Variants in CYP19A1 observed in about 807,000 individuals in gnomAD.
The protein encoded by CYP19A1 is cytochrome P450 family 19 subfamily A member 1, also known as aromatase.
A neutral mutation model predicts 44.4 loss-of-function variants in CYP19A1; 32 were observed. The observed-to-expected ratio is 0.72, with a 90% CI of 0.54 to 0.97. The LOEUF (loss-of-function observed/expected upper bound fraction) is 0.97, where lower values mean the gene tolerates loss of function less well. Among genes scored for constraint, CYP19A1 ranks in the 50% least tolerant of loss-of-function variants. The pLI, the probability that CYP19A1 is intolerant of heterozygous loss-of-function variation, is 0.00. For synonymous variants in CYP19A1, 212 were observed against 215.6 expected (o/e 0.98, Z 0.14); for missense variants, 598 against 637.8 (o/e 0.94, Z 0.67).
chr15:51,331,295 G>A (rs935563141), intron 1 of CYP19A1, among the ~76,000 whole-genome samples: 1 of 152,238 alleles, frequency 6.6e-6, no homozygotes, highest in Admixed American at 6.5e-5. Flanking sequence ...GCTGCCCCTG[G>A]AGAGCTGGAG....
At chr15:51,286,431 G>A (rs962592230) in intron 1 of CYP19A1, among the ~76,000 whole-genome samples, 11 of 152,154 alleles carry the variant, frequency 7.2e-5, no homozygotes, top group African/African-American at 2.2e-4. Flanking sequence ...TGTCTGTTTC[G>A]TTTGTTTGTT....
At chr15:51,331,533 C>T (rs2036700850) in intron 1 of CYP19A1, among the ~76,000 whole-genome samples, 1 of 152,000 alleles carries the variant, frequency 6.6e-6, no homozygotes, top group South Asian at 2.1e-4. Flanking sequence ...GTATAGTTAG[C>T]ATCTTTTTTT....
intron 1 of CYP19A1, among the ~76,000 whole-genome samples, chr15:51,303,884 A>G (rs1197688566): frequency 6.6e-6 from 1 of 152,160 alleles, no homozygotes; most frequent in Non-Finnish European, 1.5e-5. Context: ...CGGGCTGAGG[A>G]TGATACATGG....
chr15:51,259,139 A>G (rs1286239807), intron 1 of CYP19A1, among the ~76,000 whole-genome samples: 3 of 152,196 alleles, frequency 2.0e-5, no homozygotes. Context: ...GGAGACAACA[A>G]GTAGGAAAGC....
At chr15:51,224,152 G>A (rs1331549391) in intron 4 of CYP19A1, among the ~76,000 whole-genome samples, 3 of 151,914 alleles carry the variant, frequency 2.0e-5, no homozygotes, top group Admixed American at 1.3e-4. Flanking sequence ...TTCACCCCTC[G>A]CCACCACCCT....
At chr15:51,238,747 T>C (rs974746840) in intron 2 of CYP19A1, among the ~76,000 whole-genome samples, 3 of 152,224 alleles carry the variant, frequency 2.0e-5, no homozygotes, top group Admixed American at 6.5e-5. Flanking sequence ...AGATTGAACC[T>C]TGTGCTTAGA....
chr15:51,216,150 T>TA (rs1491063308), intron 6 of CYP19A1, among the ~76,000 whole-genome samples: 3 of 152,202 alleles, frequency 2.0e-5, no homozygotes, highest in Admixed American at 1.3e-4. Context: ...ATGTTTAAAT[T>TA]AAAAAAACAA....
chr15:51,246,921 A>AT (rs1041979369), intron 1 of CYP19A1, among the ~76,000 whole-genome samples: 4 of 151,926 alleles, frequency 2.6e-5, no homozygotes, highest in Non-Finnish European at 5.9e-5. Context: ...GGAGAAATGC[A>AT]TTTTTTTCTC....
chr15:51,222,411 G>T lies in CYP19A1; in HGVS notation c.566C>A (p.Thr189Asn). The change falls in exon 5 of 10, where the codon ACC becomes AAC. Residue 189 changes from threonine to asparagine, a missense_variant. Transcript: ENST00000396402. ...GTCCAGCATGACACGACGCAGAAGG[G>T]TCAACACGTCCACATAGCCCGATTC... Reference protein sequence around the residue: ...TNESGYVDVLTLLRRVMLDTS... With the variant: ...TNESGYVDVLNLLRRVMLDTS... The T allele has an allele frequency of 3.1e-6, 5 of 1,614,146 alleles. No individual in the cohort carries two copies. Among genetic ancestry groups the T allele is most frequent in the Non-Finnish European group, 3.4e-6 (4 of 1,180,010 alleles).
intron 1 of CYP19A1, among the ~76,000 whole-genome samples, chr15:51,266,753 T>G (rs1056435198): frequency 6.6e-6 from 1 of 152,196 alleles, no homozygotes; most frequent in Non-Finnish European, 1.5e-5. Flanking sequence ...GGAGGTCCCC[T>G]AATCTGTGGA....
At chr15:51,279,877 CTG>C (rs1410265128) in intron 1 of CYP19A1, 1 of 152,214 alleles carries the variant, frequency 6.6e-6, no homozygotes, top group Admixed American at 6.5e-5. Flanking sequence ...AGGGCAGAAA[CTG>C]TTGTATTCTC....
Position 51,208,662 on chromosome 15 carries a change from A to G in CYP19A1, c.*2146T>C, listed in dbSNP as rs2030622749. 1 of 152,092 alleles carries G rather than the reference A, an allele frequency of 6.6e-6. No individual in the cohort carries two copies. Among genetic ancestry groups the G allele is most frequent in the African/African-American group, 2.4e-5 (1 of 41,422 alleles). The allele number at this position is 152,092 out of a possible 1,614,324, so 9.4% of individuals were successfully genotyped here. On this transcript the variant is annotated 3_prime_UTR_variant, in exon 10 of 10. Transcript: ENST00000396402. ...GCTAAGCAGAGTGAAAAGTTGAACA[A>G]CTACCCAGGTAATTTGATTCTGGGA...
chr15:51,259,330 A>G (rs2034630073), intron 1 of CYP19A1, among the ~76,000 whole-genome samples: 1 of 152,222 alleles, frequency 6.6e-6, no homozygotes, highest in Non-Finnish European at 1.5e-5. Flanking sequence ...AATTGTAACA[A>G]CCACATTATT....
At chr15:51,328,404 C>G (rs182836456) in intron 1 of CYP19A1, among the ~76,000 whole-genome samples, 6 of 152,206 alleles carry the variant, frequency 3.9e-5, no homozygotes, top group African/African-American at 7.2e-5. Context: ...GACATCCCCC[C>G]CTACCCATCC....
intron 1 of CYP19A1, among the ~76,000 whole-genome samples, chr15:51,258,321 G>A (rs144400389): frequency 7.9e-4 from 121 of 152,248 alleles, no homozygotes; most frequent in African/African-American, 2.8e-3. Context: ...AGCACTTGTT[G>A]TTCTCTCCAG....
At chr15:51,247,178 C>G (rs550332280) in intron 1 of CYP19A1, among the ~76,000 whole-genome samples, 1 of 152,128 alleles carries the variant, frequency 6.6e-6, no homozygotes, top group Admixed American at 6.5e-5. Context: ...TCCGTCAGCC[C>G]CCATGCCCAT....
At chr15:51,240,216 T>A (rs955110806) in intron 2 of CYP19A1, among the ~76,000 whole-genome samples, 1 of 152,042 alleles carries the variant, frequency 6.6e-6, no homozygotes, top group Non-Finnish European at 1.5e-5. Context: ...CTCTTTAATC[T>A]TTTCACACAT....
chr15:51,330,797 AAGG>A (rs2036688797), intron 1 of CYP19A1, among the ~76,000 whole-genome samples: 2 of 152,206 alleles, frequency 1.3e-5, no homozygotes, highest in South Asian at 2.1e-4. Context: ...AAGGAATGTC[AAGG>A]AGGAGGAAGT....
intron 3 of CYP19A1, among the ~76,000 whole-genome samples, chr15:51,232,294 T>C (rs1200555145): frequency 2.0e-5 from 3 of 152,210 alleles, no homozygotes; most frequent in Non-Finnish European, 2.9e-5. Context: ...TACTGAAATC[T>C]CCATGCATTC....
Sources: allele counts gnomAD v4.1 joint callset (sites outside exome capture counted in the v4.1 genomes callset), GRCh38; gene constraint gnomAD v4.1.1; transcripts MANE v1.5; gene names NCBI Gene and HGNC (gene_info 2026-07-23, HGNC 2026-07-21).